GUCY1A2: variants seen among roughly 807,000 people sequenced by gnomAD.
GUCY1A2 encodes the protein guanylate cyclase soluble subunit alpha-2.
In GUCY1A2, 27 loss-of-function variants were observed where a neutral mutation model predicts 63.5. The observed-to-expected ratio is 0.43, with a 90% CI of 0.31 to 0.59. GUCY1A2 has a LOEUF of 0.59. Ranked by LOEUF, GUCY1A2 falls within the 20% of genes least tolerant of loss-of-function variation. The pLI is 0.11. For missense variants in GUCY1A2, 768 were observed against 913.3 expected (o/e 0.84, Z 2.05); for synonymous variants, 364 against 343.5 (o/e 1.06, Z -0.66).
chr11:106,837,198 C>T lies in GUCY1A2; in HGVS notation c.1207-26720G>A, dbSNP rs1319527180. Among the ~76,000 whole-genome samples the T allele has an allele frequency of 5.3e-5, 8 of 151,992 alleles. No homozygotes were observed. In the East Asian group the frequency reaches 1.6e-3, roughly 30 times the overall value. On this transcript the variant is annotated intron_variant, in intron 4 of 7. Coordinates refer to ENST00000526355, the MANE Select transcript of GUCY1A2 (RefSeq NM_000855.3). ...GTGTCTATTGTTTCCCTCTTTGTGTCCATGAGTTCTCATTATTTAGCTTGC... is the reference window on the plus strand; with the variant it reads ...GTGTCTATTGTTTCCCTCTTTGTGTTCATGAGTTCTCATTATTTAGCTTGC...
At chr11:106,751,562 T>G (rs529923661) in intron 6 of GUCY1A2, among the ~76,000 whole-genome samples, 4 of 152,122 alleles carry the variant, frequency 2.6e-5, no homozygotes, top group Non-Finnish European at 4.4e-5. Flanking sequence ...CATCCCAGGG[T>G]TCTGAGCTAT....
chr11:106,963,196 G>A (rs1861082434), intron 3 of GUCY1A2, among the ~76,000 whole-genome samples: 1 of 152,102 alleles, frequency 6.6e-6, no homozygotes, highest in South Asian at 2.1e-4. Flanking sequence ...TATTTAAAAT[G>A]TCAGGGAAGC....
chr11:106,725,152 C>CCTTTT, intron 6 of GUCY1A2, among the ~76,000 whole-genome samples: 1 of 22,988 alleles, frequency 4.4e-5, no homozygotes, highest in Middle Eastern at 0.024. Flanking sequence ...GACATAAATT[C>CCTTTT]TTTTTTTTTT....
intron 6 of GUCY1A2, chr11:106,746,727 CA>C: frequency 2.9e-6 from 2 of 682,250 alleles, no homozygotes; most frequent in South Asian, 3.4e-5. Flanking sequence ...TTTGCATATA[CA>C]TATAGCCATG....
rs1241859651 is a variant in GUCY1A2 at position 106,685,827 on chromosome 11, C to A, written c.*1722G>T. 1 of 225,952 alleles carries A rather than the reference C, an allele frequency of 4.4e-6. No homozygotes were observed. Among genetic ancestry groups the A allele is most frequent in the Non-Finnish European group, 8.8e-6 (1 of 113,600 alleles). The allele number at this position is 225,952 out of a possible 1,614,324, so 14.0% of individuals were successfully genotyped here. The stretch of plus-strand genomic sequence containing the variant: ...AGTGTTGCACTCGTGTCCTTGTAAA[C>A]CCCCAGGGCAAGAAAATAACTCAAA... On this transcript the variant is annotated 3_prime_UTR_variant, in exon 8 of 8. Transcript: ENST00000526355.
At chr11:106,878,384 C>T (rs1241522880) in intron 4 of GUCY1A2, among the ~76,000 whole-genome samples, 1 of 151,962 alleles carries the variant, frequency 6.6e-6, no homozygotes, top group Non-Finnish European at 1.5e-5. Flanking sequence ...CCTAAATGCC[C>T]ATCAATGGTA....
intron 4 of GUCY1A2, among the ~76,000 whole-genome samples, chr11:106,825,970 C>T (rs1858964149): frequency 6.6e-6 from 1 of 152,108 alleles, no homozygotes; most frequent in Non-Finnish European, 1.5e-5. Context: ...GATATTGCTA[C>T]ATCTCTATTT....
chr11:106,789,308 T>C (rs1423163725), intron 5 of GUCY1A2, among the ~76,000 whole-genome samples: 1 of 152,236 alleles, frequency 6.6e-6, no homozygotes, highest in African/African-American at 2.4e-5. Context: ...ATTACATTTT[T>C]CAATTTTAGA....
At chr11:106,753,178 T>G (rs1439140070) in intron 6 of GUCY1A2, among the ~76,000 whole-genome samples, 3 of 152,240 alleles carry the variant, frequency 2.0e-5, no homozygotes, top group Non-Finnish European at 1.5e-5. Context: ...TTGAGAAGTG[T>G]CTGTTCATAT....
chr11:106,798,684 T>C (rs1029275732), intron 5 of GUCY1A2, among the ~76,000 whole-genome samples: 4 of 152,156 alleles, frequency 2.6e-5, no homozygotes, highest in Non-Finnish European at 4.4e-5. Context: ...TCTCAATAGA[T>C]GCAGAAAAGG....
chr11:107,004,786 G>A (rs1387077254), intron 1 of GUCY1A2, among the ~76,000 whole-genome samples: 2 of 152,306 alleles, frequency 1.3e-5, no homozygotes, highest in African/African-American at 2.4e-5. Flanking sequence ...GAAAACTAAG[G>A]AAGAGCCAAT....
intron 4 of GUCY1A2, among the ~76,000 whole-genome samples, chr11:106,863,399 C>T (rs994699983): frequency 1.3e-5 from 2 of 152,058 alleles, no homozygotes; most frequent in Non-Finnish European, 2.9e-5. Flanking sequence ...ATAGGGAATC[C>T]TTTTCCCATT....
At chr11:106,850,429 C>T (rs539025584) in intron 4 of GUCY1A2, among the ~76,000 whole-genome samples, 6 of 151,830 alleles carry the variant, frequency 4.0e-5, no homozygotes, top group Non-Finnish European at 8.9e-5. Context: ...TAAGGTGCTG[C>T]AGAACACCAG....
chr11:106,880,525 A>T (rs1186037950), intron 4 of GUCY1A2, among the ~76,000 whole-genome samples: 1 of 152,058 alleles, frequency 6.6e-6, no homozygotes, highest in Non-Finnish European at 1.5e-5. Flanking sequence ...ACACAGTGCT[A>T]TCCCTATTGA....
chr11:106,772,456 C>G (rs1478311785), intron 6 of GUCY1A2, among the ~76,000 whole-genome samples: 1 of 152,056 alleles, frequency 6.6e-6, no homozygotes, highest in Non-Finnish European at 1.5e-5. Flanking sequence ...AATTTAAAAT[C>G]AAATTAATAT....
intron 7 of GUCY1A2, 123 bp from the exon 8 acceptor site, chr11:106,687,879 G>T (rs1862556846): frequency 6.2e-6 from 4 of 647,862 alleles, no homozygotes; most frequent in African/African-American, 3.6e-5. Flanking sequence ...CTATTTCTTT[G>T]TATAGATGTG....
intron 6 of GUCY1A2, among the ~76,000 whole-genome samples, chr11:106,750,053 T>G (rs904068661): frequency 6.6e-6 from 1 of 151,988 alleles, no homozygotes; most frequent in Admixed American, 6.6e-5. Context: ...AATTTCTCAG[T>G]CCAAGTTGGA....
intron 4 of GUCY1A2, among the ~76,000 whole-genome samples, chr11:106,814,791 T>C (rs1049709713): frequency 6.6e-6 from 1 of 152,020 alleles, no homozygotes; most frequent in Non-Finnish European, 1.5e-5. Flanking sequence ...CAAACCTAAA[T>C]AGAGGAATTG....
At chr11:106,928,090 A>G (rs765036787) in intron 4 of GUCY1A2, among the ~76,000 whole-genome samples, 1 of 152,212 alleles carries the variant, frequency 6.6e-6, no homozygotes, top group Non-Finnish European at 1.5e-5. Context: ...TACCTTATTC[A>G]TAGTAACATC....
Sources: gnomAD v4.1 joint callset for allele counts (sites outside exome capture counted in the v4.1 genomes callset) on GRCh38, gnomAD v4.1.1 for gene constraint, MANE v1.5 for transcripts, NCBI Gene and HGNC (gene_info 2026-07-23, HGNC 2026-07-21) for gene names.